The following CDK14 variants were observed in gnomAD, a reference collection of about 807,000 sequenced individuals.
The protein encoded by CDK14 is cyclin-dependent kinase 14.
A neutral mutation model predicts 60.7 loss-of-function variants in CDK14; 34 were observed. That is an observed-to-expected ratio of 0.56 (90% CI 0.43 to 0.75). The LOEUF (loss-of-function observed/expected upper bound fraction) is 0.75. Among genes scored for constraint, CDK14 ranks in the 30% least tolerant of loss-of-function variants. The pLI, the probability that CDK14 is intolerant of heterozygous loss-of-function variation, is 0.00. For synonymous variants in CDK14, 197 were observed against 203.7 expected, an observed-to-expected ratio of 0.97 and a Z score of 0.28; for missense variants, 482 against 564.1, an observed-to-expected ratio of 0.85 and a Z score of 1.47.
intron 7 of CDK14, among the ~76,000 whole-genome samples, chr7:90,915,222 G>A (rs1793038874): frequency 6.6e-6 from 1 of 152,098 alleles, no homozygotes; most frequent in Non-Finnish European, 1.5e-5. Context: ...AGATCATGAG[G>A]TCAGGAGATC....
intron 10 of CDK14, among the ~76,000 whole-genome samples, chr7:90,988,882 T>TA (rs1164898074): frequency 6.6e-6 from 1 of 152,200 alleles, no homozygotes; most frequent in Non-Finnish European, 1.5e-5. Context: ...TCTCCTGGCT[T>TA]ATAATGAAAT....
intron 2 of CDK14, among the ~76,000 whole-genome samples, chr7:90,712,775 A>G (rs1802111885): frequency 6.6e-6 from 1 of 152,144 alleles, no homozygotes; most frequent in Non-Finnish European, 1.5e-5. Flanking sequence ...AAGCTGGGCC[A>G]TGGCTTTTGT....
chr7:91,054,789 A>G (rs1040777711), intron 11 of CDK14, among the ~76,000 whole-genome samples: 3 of 152,206 alleles, frequency 2.0e-5, no homozygotes, highest in African/African-American at 7.2e-5. Flanking sequence ...GGGACTAATA[A>G]TAGACAAATT....
intron 10 of CDK14, among the ~76,000 whole-genome samples, chr7:90,995,389 G>A (rs896710387): frequency 6.6e-6 from 1 of 152,088 alleles, no homozygotes; most frequent in Non-Finnish European, 1.5e-5. Context: ...CACCTTAATT[G>A]CCCCCTCATG....
intron 11 of CDK14, among the ~76,000 whole-genome samples, chr7:91,064,928 T>G (rs1797930804): frequency 6.6e-6 from 1 of 152,202 alleles, no homozygotes; most frequent in Non-Finnish European, 1.5e-5. Flanking sequence ...AAAAATGTCT[T>G]GTGGAAAGAG....
chr7:90,999,244 T>C (rs987091085), intron 10 of CDK14, among the ~76,000 whole-genome samples: 4 of 152,004 alleles, frequency 2.6e-5, no homozygotes, highest in Non-Finnish European at 4.4e-5. Context: ...TGCCAGGCTA[T>C]GAAGCAGAGG....
intron 2 of CDK14, among the ~76,000 whole-genome samples, chr7:90,624,781 C>T (rs1052119530): frequency 4.6e-5 from 7 of 152,206 alleles, no homozygotes; most frequent in Non-Finnish European, 7.3e-5. Flanking sequence ...TGAGCTTCAG[C>T]GTCCTCATCT....
chr7:91,067,704 A>G (rs1270835949), intron 11 of CDK14, among the ~76,000 whole-genome samples: 1 of 152,222 alleles, frequency 6.6e-6, no homozygotes, highest in Non-Finnish European at 1.5e-5. Context: ...CATGCCTCAC[A>G]TGGCATGTTT....
intron 2 of CDK14, among the ~76,000 whole-genome samples, chr7:90,640,235 C>T (rs557451159): frequency 9.9e-5 from 15 of 152,192 alleles, no homozygotes; most frequent in East Asian, 5.8e-4. Context: ...AGCTGTAGAC[C>T]GGAGCTGTTC....
chr7:91,168,134 C>T (rs183434376), intron 14 of CDK14, among the ~76,000 whole-genome samples: 3 of 151,856 alleles, frequency 2.0e-5, no homozygotes, highest in African/African-American at 4.8e-5. Context: ...TGGTGGCGCA[C>T]GTCTGTAATC....
chr7:90,720,968 G>A (rs967088694), intron 2 of CDK14, among the ~76,000 whole-genome samples: 1 of 151,898 alleles, frequency 6.6e-6, no homozygotes, highest in Non-Finnish European at 1.5e-5. Context: ...TTCTTTTTAA[G>A]GGTTAAATTT....
chr7:90,893,691 T>C (rs1016165178), intron 6 of CDK14, among the ~76,000 whole-genome samples: 1 of 152,202 alleles, frequency 6.6e-6, no homozygotes, highest in Non-Finnish European at 1.5e-5. Flanking sequence ...AATGCAGTCC[T>C]AGGCACAATA....
At chr7:91,102,664 T>C (rs781154753) in intron 12 of CDK14, among the ~76,000 whole-genome samples, 3 of 150,802 alleles carry the variant, frequency 2.0e-5, no homozygotes, top group Non-Finnish European at 4.4e-5. Context: ...GCAGTCCTAG[T>C]TTATAAGTTA....
intron 14 of CDK14, among the ~76,000 whole-genome samples, chr7:91,174,187 G>C (rs1301756003): frequency 6.6e-6 from 1 of 152,020 alleles, no homozygotes; most frequent in African/African-American, 2.4e-5. Context: ...GCACCCCCCA[G>C]CAGGGGCACA....
chr7:90,890,651 A>G (rs986143778), intron 6 of CDK14, among the ~76,000 whole-genome samples: 5 of 152,228 alleles, frequency 3.3e-5, no homozygotes, highest in East Asian at 1.9e-4. Flanking sequence ...TTCAAAGTCA[A>G]TTTAATCTTG....
chr7:90,788,540 T>C (rs1484854246), intron 4 of CDK14, among the ~76,000 whole-genome samples: 2 of 152,256 alleles, frequency 1.3e-5, no homozygotes, highest in Admixed American at 1.3e-4. Context: ...GAAACACAAC[T>C]CCTGACCTTG....
chr7:91,022,918 C>T (rs778806331), intron 10 of CDK14, among the ~76,000 whole-genome samples: 22 of 152,160 alleles, frequency 1.4e-4, no homozygotes, highest in Non-Finnish European at 2.9e-4. Context: ...CCCTCAGCCT[C>T]TGGAGCTTCT....
chr7:90,828,304 ATTC>A (rs1789793883), intron 5 of CDK14, among the ~76,000 whole-genome samples: 1 of 152,206 alleles, frequency 6.6e-6, no homozygotes, highest in South Asian at 2.1e-4. Flanking sequence ...ACCCAGCAGT[ATTC>A]TTCTCTCCCA....
At chr7:90,932,440 G>A (rs1793621795) in intron 8 of CDK14, among the ~76,000 whole-genome samples, 1 of 152,154 alleles carries the variant, frequency 6.6e-6, no homozygotes, top group South Asian at 2.1e-4. Flanking sequence ...TGTTTGGGGT[G>A]AGCTGCATAT....
Sources: gnomAD v4.1 joint callset for allele counts (sites outside exome capture counted in the v4.1 genomes callset) on GRCh38, gnomAD v4.1.1 for gene constraint, MANE v1.5 for transcripts, NCBI Gene and HGNC (gene_info 2026-07-23, HGNC 2026-07-21) for gene names.